The following NR2F1-AS1 variants were observed in gnomAD, a reference collection of about 807,000 sequenced individuals.
NR2F1-AS1 encodes NR2F1 antisense RNA 1.
Position 93,500,637 on chromosome 5 carries a change from T to G in NR2F1-AS1, n.638+53124A>C, listed in dbSNP as rs139964484. On this transcript the variant is annotated intron_variant and non_coding_transcript_variant, in intron 4 of 5. Coordinates refer to ENST00000660523, the Ensembl canonical transcript of NR2F1-AS1. Reference sequence around the variant, plus strand: ...AGGAGTAATTTTGACTTTCAAGTCTTACTAAATTTTTTTTTCTTGAAACAG... The same window carrying G: ...AGGAGTAATTTTGACTTTCAAGTCTGACTAAATTTTTTTTTCTTGAAACAG... Among the ~76,000 whole-genome samples the G allele has an allele frequency of 2.8e-3, 420 of 152,280 alleles. 1 individual carries two copies. The highest frequency in any genetic ancestry group is 9.9e-3 in the African/African-American group (413 of 41,558).
At chr5:93,522,620 A>G (rs932108142) in intron 4 of NR2F1-AS1, among the ~76,000 whole-genome samples, 1 of 152,190 alleles carries the variant, frequency 6.6e-6, no homozygotes, top group Non-Finnish European at 1.5e-5. Flanking sequence ...AAGGCGGGTG[A>G]CTTCTGCATT....
intron 1 of NR2F1-AS1, among the ~76,000 whole-genome samples, chr5:93,564,918 G>A (rs1694889822): frequency 6.6e-6 from 1 of 152,120 alleles, no homozygotes; most frequent in Admixed American, 6.5e-5. Flanking sequence ...GAGCTTCACA[G>A]GTTCTGCAGG....
intron 4 of NR2F1-AS1, chr5:93,422,310 C>G (rs968853744): frequency 6.6e-6 from 1 of 152,324 alleles, no homozygotes; most frequent in Admixed American, 6.5e-5. Flanking sequence ...TCTTGCTCAC[C>G]TCTCGGGTTC....
intron 4 of NR2F1-AS1, among the ~76,000 whole-genome samples, chr5:93,474,793 C>A (rs1400727262): frequency 6.6e-6 from 1 of 152,158 alleles, no homozygotes; most frequent in Non-Finnish European, 1.5e-5. Context: ...TTTCAACATA[C>A]AAATTTGGGG....
intron 4 of NR2F1-AS1, among the ~76,000 whole-genome samples, chr5:93,522,560 G>A (rs778208680): frequency 1.1e-4 from 17 of 152,326 alleles, no homozygotes; most frequent in Non-Finnish European, 2.2e-4. Context: ...CTGGCAAGAT[G>A]GCCGAATAGG....
intron 4 of NR2F1-AS1, among the ~76,000 whole-genome samples, chr5:93,484,500 C>T (rs1172644351): frequency 6.6e-6 from 1 of 152,134 alleles, no homozygotes; most frequent in Admixed American, 6.5e-5. Flanking sequence ...TAAAAACTTA[C>T]CAAATGGTAA....
chr5:93,567,746 T>A (rs911652127), intron 1 of NR2F1-AS1, among the ~76,000 whole-genome samples: 1 of 152,158 alleles, frequency 6.6e-6, no homozygotes, highest in African/African-American at 2.4e-5. Context: ...TTAAAGAGGA[T>A]AGATTTCAGT....
At chr5:93,463,117 C>T (rs1479650747) in intron 4 of NR2F1-AS1, among the ~76,000 whole-genome samples, 1 of 152,216 alleles carries the variant, frequency 6.6e-6, no homozygotes. Context: ...ATCACAGGCC[C>T]AGAGACCTAG....
upstream of NR2F1-AS1, chr5:93,581,238 G>C (rs73772907): frequency 1.3e-5 from 2 of 152,370 alleles, no homozygotes; most frequent in African/African-American, 2.4e-5. Context: ...ACGCCCTCGC[G>C]AGTCGAGGGG....
intron 4 of NR2F1-AS1, among the ~76,000 whole-genome samples, chr5:93,515,884 A>G (rs1751391734): frequency 6.6e-6 from 1 of 151,910 alleles, no homozygotes; most frequent in Admixed American, 6.6e-5. Flanking sequence ...CTGAAAACAG[A>G]GTACATCCCT....
At chr5:93,512,625 C>A (rs1297969328) in intron 4 of NR2F1-AS1, among the ~76,000 whole-genome samples, 1 of 152,142 alleles carries the variant, frequency 6.6e-6, no homozygotes, top group African/African-American at 2.4e-5. Flanking sequence ...CCCAGAGCAA[C>A]TTCCAGTCCT....
chr5:93,543,703 T>A (rs2149907406), intron 4 of NR2F1-AS1: 1 of 152,312 alleles, frequency 6.6e-6, no homozygotes, highest in East Asian at 1.9e-4. Flanking sequence ...TTTTTTAACA[T>A]CTCTGAAATC....
chr5:93,513,529 T>C (rs1469320182), intron 4 of NR2F1-AS1, among the ~76,000 whole-genome samples: 2 of 152,142 alleles, frequency 1.3e-5, no homozygotes, highest in Non-Finnish European at 2.9e-5. Context: ...TGGAGGTCAT[T>C]ATCCCAAGTG....
At chr5:93,504,715 C>G (rs1275576805) in intron 4 of NR2F1-AS1, among the ~76,000 whole-genome samples, 1 of 152,120 alleles carries the variant, frequency 6.6e-6, no homozygotes, top group Non-Finnish European at 1.5e-5. Context: ...CCCATCAGAT[C>G]TCCTGAAACT....
At chr5:93,422,442 A>C (rs1221400883) in intron 4 of NR2F1-AS1, 1 of 152,186 alleles carries the variant, frequency 6.6e-6, no homozygotes, top group Non-Finnish European at 1.5e-5. Flanking sequence ...GGCTGAGCTG[A>C]TATTTGCAGT....
chr5:93,462,332 G>T lies in NR2F1-AS1; in HGVS notation n.639-66790C>A, dbSNP rs1476079801. ...TTCGCTGCACAAGCTCTCTTCTCTT[G>T]TCCACCACCATGTGAGATGTGCCTT... is the stretch of plus-strand genomic sequence containing the variant. On this transcript the variant is annotated intron_variant and non_coding_transcript_variant, in intron 4 of 5. Coordinates refer to ENST00000660523, the Ensembl canonical transcript of NR2F1-AS1. 3.9e-5 allele frequency among the ~76,000 whole-genome samples: 6 copies of T among 152,206 alleles called. No homozygotes were observed. In the East Asian group the frequency reaches 1.2e-3, roughly 29 times the overall value.
chr5:93,567,520 G>T (rs1363668219), intron 1 of NR2F1-AS1, among the ~76,000 whole-genome samples: 1 of 152,164 alleles, frequency 6.6e-6, no homozygotes, highest in Non-Finnish European at 1.5e-5. Context: ...ACTTGTAGAA[G>T]TCTTGAGCAA....
chr5:93,448,545 T>C (rs1201484813), intron 4 of NR2F1-AS1, among the ~76,000 whole-genome samples: 1 of 152,180 alleles, frequency 6.6e-6, no homozygotes, highest in Non-Finnish European at 1.5e-5. Flanking sequence ...AAAATCCAAC[T>C]CTCTATAACT....
intron 4 of NR2F1-AS1, among the ~76,000 whole-genome samples, chr5:93,463,853 C>T (rs1199487726): frequency 1.3e-5 from 2 of 152,122 alleles, no homozygotes; most frequent in Admixed American, 1.3e-4. Flanking sequence ...ATGCTGGTAC[C>T]CCCATTGGAT....
Sources: allele counts gnomAD v4.1 joint callset (sites outside exome capture counted in the v4.1 genomes callset), GRCh38; gene constraint gnomAD v4.1.1; transcripts MANE v1.5; gene names NCBI Gene and HGNC (gene_info 2026-07-23, HGNC 2026-07-21).